Variants in P2RX3 observed in about 807,000 individuals in gnomAD.
The protein encoded by P2RX3 is P2X purinoceptor 3.
P2RX3 carries 41 observed loss-of-function variants against 51.5 expected under a neutral mutation model. The ratio of observed to expected loss-of-function variants is 0.80; its 90% CI spans 0.62 to 1.03. The LOEUF (loss-of-function observed/expected upper bound fraction) is 1.03, where lower values mean the gene tolerates loss of function less well. P2RX3 is among the 50% of genes least tolerant of loss of function. The probability of loss-of-function intolerance (pLI) is 0.00; values close to 1 mark genes in which losing one functional copy is unlikely to be tolerated. For missense variants in P2RX3, 459 were observed against 522.1 expected (o/e 0.88, Z 1.18); for synonymous variants, 185 against 191.6 (o/e 0.97, Z 0.29).
At chr11:57,358,758 C>G (rs1222856374) in intron 8 of P2RX3, among the ~76,000 whole-genome samples, 1 of 152,200 alleles carries the variant, frequency 6.6e-6, no homozygotes, top group Non-Finnish European at 1.5e-5. Context: ...ATCACAATCA[C>G]GTTGGAATGG....
At chr11:57,364,837 C>T (rs889339213) in intron 8 of P2RX3, among the ~76,000 whole-genome samples, 5 of 152,118 alleles carry the variant, frequency 3.3e-5, no homozygotes, top group Non-Finnish European at 5.9e-5. Flanking sequence ...AGCCCTCTTC[C>T]GGATAAGTGG....
chr11:57,354,065 A>C (rs1856590800), intron 8 of P2RX3, among the ~76,000 whole-genome samples: 1 of 152,082 alleles, frequency 6.6e-6, no homozygotes, highest in African/African-American at 2.4e-5. Flanking sequence ...GACCCATGTA[A>C]GAGATTACAG....
At chr11:57,342,916 C>G (rs759708031) in intron 1 of P2RX3, among the ~76,000 whole-genome samples, 12 of 152,222 alleles carry the variant, frequency 7.9e-5, no homozygotes, top group Non-Finnish European at 1.6e-4. Context: ...GGGCGCGGCT[C>G]TGGCCTCTCT....
In P2RX3 at chr11:57,350,752, G is replaced by C. The variant is rs200025655; in HGVS notation, c.706-10G>C. 6.3e-6 allele frequency: 10 copies of C among 1,591,896 alleles called. No homozygotes were observed. Among genetic ancestry groups the C allele is most frequent in the Non-Finnish European group, 8.6e-6 (10 of 1,166,768 alleles). ...CGAGGGGAAAGCTCATACCCGGCCC[G>C]TTTCTTCAGGGGGGAGTTCTGGGCA... On this transcript the variant is annotated splice_polypyrimidine_tract_variant and intron_variant, in intron 7 of 11. Transcript: ENST00000263314.
chr11:57,358,759 G>A (rs936100746), intron 8 of P2RX3, among the ~76,000 whole-genome samples: 23 of 152,218 alleles, frequency 1.5e-4, no homozygotes, highest in African/African-American at 4.6e-4. Flanking sequence ...TCACAATCAC[G>A]TTGGAATGGA....
intron 7 of P2RX3, chr11:57,350,220 C>T: frequency 2.8e-6 from 1 of 351,218 alleles, no homozygotes; most frequent in Non-Finnish European, 5.3e-6. Context: ...GCCACTTTCT[C>T]CTGTGTTGTA....
At chr11:57,337,778 A>G (rs1240767849), upstream of P2RX3, among the ~76,000 whole-genome samples, 2 of 152,270 alleles carry the variant, frequency 1.3e-5, no homozygotes, top group South Asian at 2.1e-4. Context: ...ACACGTATAC[A>G]TATGTAACAA....
At chr11:57,358,789 G>A (rs1856669078) in intron 8 of P2RX3, among the ~76,000 whole-genome samples, 2 of 152,222 alleles carry the variant, frequency 1.3e-5, no homozygotes, top group Admixed American at 1.3e-4. Context: ...CTGCCCTGCA[G>A]AAGCGCATCT....
At position 57,347,444 on chromosome 11, in the gene P2RX3, C is replaced by G. The variant is rs1565064028; in HGVS notation, c.357C>G (p.Asp119Glu). The G allele has an allele frequency of 6.4e-7, 1 of 1,559,344 alleles. No homozygotes were observed. Among genetic ancestry groups the G allele is most frequent in the South Asian group, 1.2e-5 (1 of 84,546 alleles). Reference protein sequence around the residue: ...ESEEKYRCVSDSQCGPERLPG... With the variant: ...ESEEKYRCVSESQCGPERLPG... ...AGGAGAAATACCGCTGTGTATCAGA[C>G]AGCCAGTGCGGGCCTGAGCGCTTGC... Residue 119 changes from aspartate (D) to glutamate (E), a missense_variant, in exon 4 of 12, where the codon GAC becomes GAG. Asp to Glu is a conservative substitution (Grantham distance 45). Coordinates refer to ENST00000263314, the MANE Select transcript of P2RX3 (RefSeq NM_002559.5).
chr11:57,355,786 C>A (rs530757196), intron 8 of P2RX3, among the ~76,000 whole-genome samples: 1 of 152,166 alleles, frequency 6.6e-6, no homozygotes, highest in Non-Finnish European at 1.5e-5. Flanking sequence ...ACATCTGGGA[C>A]GGTTTAATGA....
At chr11:57,357,160 T>A (rs56077100) in intron 8 of P2RX3, among the ~76,000 whole-genome samples, 52,883 of 151,700 alleles carry the variant, frequency 0.35, 11,102 homozygotes, top group East Asian at 0.67. Flanking sequence ...CTATTAAAAA[T>A]TTTTTTAAAA....
At chr11:57,354,548 G>A (rs1302209282) in intron 8 of P2RX3, among the ~76,000 whole-genome samples, 1 of 152,148 alleles carries the variant, frequency 6.6e-6, no homozygotes, top group South Asian at 2.1e-4. Context: ...TGTTGGCAAG[G>A]TTTCTGAGGC....
At chr11:57,349,946 C>T (rs1455805851) in intron 7 of P2RX3, 48 bp downstream of exon 7, 1 of 1,608,148 alleles carries the variant, frequency 6.2e-7, no homozygotes, top group South Asian at 1.1e-5. Context: ...CCACCTTCAG[C>T]CCTTTCCCAG....
chr11:57,344,712 T>C (rs748114756), intron 1 of P2RX3, among the ~76,000 whole-genome samples: 4 of 151,992 alleles, frequency 2.6e-5, no homozygotes, highest in Non-Finnish European at 5.9e-5. Flanking sequence ...ATAAATAGTA[T>C]TTATTTATCA....
intron 10 of P2RX3, among the ~76,000 whole-genome samples, chr11:57,368,755 C>A (rs1403122149): frequency 2.6e-5 from 4 of 152,134 alleles, no homozygotes; most frequent in Non-Finnish European, 5.9e-5. Context: ...ACCTGAGATG[C>A]CTTAATGAGG....
intron 8 of P2RX3, 95 bp downstream of exon 8, chr11:57,350,993 A>G (rs3741090): frequency 2.4e-5 from 32 of 1,351,532 alleles, no homozygotes; most frequent in South Asian, 1.2e-4. Context: ...CCATCCACCC[A>G]CCCCTGGCCC....
chr11:57,351,724 G>A (rs1856551231), intron 8 of P2RX3, among the ~76,000 whole-genome samples: 1 of 151,984 alleles, frequency 6.6e-6, no homozygotes, highest in Non-Finnish European at 1.5e-5. Context: ...TTCATTTATT[G>A]ATTCATCCAT....
rs749368522 is a variant in P2RX3 at position 57,370,011 on chromosome 11, G to A, written c.*14G>A. On this transcript the variant is annotated 3_prime_UTR_variant, in exon 12 of 12. Coordinates refer to ENST00000263314, the MANE Select transcript of P2RX3 (RefSeq NM_002559.5). ...ATAGGCCACTAGGGCCTCTTTCCAG[G>A]GCCCCACACTCACAAAGGCTCCAGG... 4.4e-5 allele frequency: 70 copies of A among 1,582,062 alleles called. 1 individual carries two copies. The South Asian group carries it at 7.1e-4, about 16-fold the overall frequency.
chr11:57,368,352 CT>C lies in P2RX3; in HGVS notation c.937-18del. 1 of 1,614,104 alleles carries C rather than the reference CT, an allele frequency of 6.2e-7. No individual in the cohort carries two copies. Among genetic ancestry groups the C allele is most frequent in the Middle Eastern group, 1.6e-4 (1 of 6,062 alleles). On this transcript the variant is annotated intron_variant, in intron 9 of 11. Coordinates refer to ENST00000263314, the MANE Select transcript of P2RX3 (RefSeq NM_002559.5). ...TCCCATGGGCCCTCTGCCCACTTGC[CT>C]TGGTCTTTGTGCACACAGGCTGGCA...
Sources: gnomAD v4.1 joint callset for allele counts (sites outside exome capture counted in the v4.1 genomes callset) on GRCh38, gnomAD v4.1.1 for gene constraint, MANE v1.5 for transcripts, NCBI Gene and HGNC (gene_info 2026-07-23, HGNC 2026-07-21) for gene names.